Variants in TSPO2 observed in about 807,000 individuals in gnomAD.
TSPO2 encodes benzodiazapine receptor (peripheral)-like 1.
Under a neutral mutation model 13.3 loss-of-function variants are expected in TSPO2, and 15 were observed. That is an observed-to-expected ratio of 1.13 (90% confidence interval 0.75 to 1.73). The LOEUF (loss-of-function observed/expected upper bound fraction) is 1.73. Ranked by LOEUF, TSPO2 falls within the 40% of genes most tolerant of loss-of-function variation. The probability of loss-of-function intolerance (pLI) is 0.00; values close to 1 mark genes in which losing one functional copy is unlikely to be tolerated. For synonymous variants in TSPO2, 81 were observed against 91.6 expected, an observed-to-expected ratio of 0.88 and a Z score of 0.66; for missense variants, 202 against 198.3, an observed-to-expected ratio of 1.02 and a Z score of -0.11.
At position 41,042,951 on chromosome 6, in the gene TSPO2, T is replaced by C. The variant is rs975395776; in HGVS notation, c.-20-15T>C. 2 of 1,612,378 alleles carry C rather than the reference T, an allele frequency of 1.2e-6. No individual in the cohort carries two copies. Among genetic ancestry groups the C allele is most frequent in the Non-Finnish European group, 1.7e-6 (2 of 1,178,908 alleles). On this transcript the variant is annotated splice_polypyrimidine_tract_variant and intron_variant, in intron 1 of 3. Coordinates refer to ENST00000373161, the MANE Select transcript of TSPO2 (RefSeq NM_001010873.3). ...AGGGGAAGGCTCATCACTAGCATGT[T>C]CTCTGCCTCCCCAGATTTTGCCTCT... is the stretch of plus-strand genomic sequence containing the variant.
rs1252791055 is a variant in TSPO2 at position 41,043,135 on chromosome 6, G to A, written c.150G>A (p.Gln50=). ...TCTACAAAGTCTTATTGCTTGTACA[G>A]ACAGCCATCTACTCTGTCGTGGGGT... ...CPFYKVLLLV[Q]TAIYSVVGYA... Residue 50 remains glutamine, a synonymous_variant, in exon 2 of 4, where the codon CAG becomes CAA. Coordinates refer to ENST00000373161, the MANE Select transcript of TSPO2 (RefSeq NM_001010873.3). 23 of 1,613,440 alleles carry A rather than the reference G, an allele frequency of 1.4e-5. No homozygotes were observed. In the East Asian group the frequency reaches 4.9e-4, roughly 34 times the overall value.
At chr6:41,043,851 G>A in intron 3 of TSPO2, 89 bp from the exon 4 acceptor site, 1 of 1,544,736 alleles carries the variant, frequency 6.5e-7, no homozygotes, top group Admixed American at 1.8e-5. Context: ...AGAGCCCCAG[G>A]GACTGAGCTC....
chr6:41,043,291 C>T, intron 2 of TSPO2, 133 bp downstream of exon 2: 1 of 1,178,004 alleles, frequency 8.5e-7, no homozygotes, highest in East Asian at 2.4e-5. Context: ...CATAGTGGGT[C>T]CTCCAGAAAG....
rs531222828 is a variant in TSPO2, at chr6:41,043,215, T to C, written c.173+57T>C. ...TACCCAATGGGGTGGGAACAAGTCC[T>C]CTATATCTGAATTACTCCCATATAT... On this transcript the variant is annotated intron_variant, in intron 2 of 3. Coordinates refer to ENST00000373161, the MANE Select transcript of TSPO2 (RefSeq NM_001010873.3). 9 of 1,548,248 alleles carry C rather than the reference T, an allele frequency of 5.8e-6. No individual in the cohort carries two copies. In the African/African-American group the frequency reaches 8.2e-5, roughly 14 times the overall value.
chr6:41,044,080 G>A lies in TSPO2; in HGVS notation c.456G>A (p.Leu152=). 1 of 1,614,182 alleles carries A rather than the reference G, an allele frequency of 6.2e-7. No homozygotes were observed. Among genetic ancestry groups the A allele is most frequent in the African/African-American group, 1.3e-5 (1 of 75,042 alleles). ...TGACTTCAGCCCTCACCTACCACCT[G>A]TGGAGGGACAGCCTTTGTCCAGTGC... The part of the protein sequence containing the change: ...LTVTSALTYH[L]WRDSLCPVHQ... The change falls in exon 4 of 4, where the codon CTG becomes CTA. Residue 152 remains leucine (L), a synonymous_variant. Transcript: ENST00000373161.
At chr6:41,042,136 G>A (rs1762596872), upstream of TSPO2, among the ~76,000 whole-genome samples, 1 of 152,202 alleles carries the variant, frequency 6.6e-6, no homozygotes, top group African/African-American at 2.4e-5. Flanking sequence ...TGGGGCCTTG[G>A]CTGGAGGAGG....
Position 41,042,731 on chromosome 6 carries a change from G to A in TSPO2, c.-68G>A. 2 of 657,894 alleles carry A rather than the reference G, an allele frequency of 3.0e-6. No homozygotes were observed. The highest frequency in any genetic ancestry group is 4.1e-5 in the Admixed American group (2 of 48,402). 40.8% of individuals were successfully genotyped at this position (657,894 alleles called of 1,614,324 possible). ...TGGGCAGTGTCCTCCAAGTGCCAGA[G>A]GAGTGCTGTGGAGAAAAGAAGTCCA... On this transcript the variant is annotated 5_prime_UTR_variant, in exon 1 of 4. Transcript: ENST00000373161.
Position 41,043,583 on chromosome 6 carries a change from A to T in TSPO2, c.200A>T (p.Asp67Val), listed in dbSNP as rs530932127. 6.2e-7 allele frequency: 1 copy of T among 1,608,362 alleles called. No individual in the cohort carries two copies. Among genetic ancestry groups the T allele is most frequent in the South Asian group, 1.1e-5 (1 of 90,506 alleles). The change falls in exon 3 of 4, where the codon GAC becomes GTC. Residue 67 changes from aspartate (D) to valine (V), a missense_variant. By Grantham distance (152) the Asp-to-Val change is radical. Coordinates refer to ENST00000373161, the MANE Select transcript of TSPO2 (RefSeq NM_001010873.3). ...VGYASYLVWK[D>V]LGGGLGWPLA... ...TATGCCTCCTACCTGGTGTGGAAGG[A>T]CCTGGGAGGGGGCTTGGGGTGGCCC...
chr6:41,044,098 T>C lies in TSPO2; in HGVS notation c.474T>C (p.Cys158=), dbSNP rs759274517. 2.5e-6 allele frequency: 4 copies of C among 1,614,034 alleles called. No individual in the cohort carries two copies. The East Asian group carries it at 8.9e-5, about 36-fold the overall frequency. The change falls in exon 4 of 4, where the codon TGT becomes TGC. Residue 158 remains cysteine, a synonymous_variant. Coordinates refer to ENST00000373161, the MANE Select transcript of TSPO2 (RefSeq NM_001010873.3). The part of the protein sequence containing the change: ...LTYHLWRDSL[C]PVHQPQPTEK... ...ACCACCTGTGGAGGGACAGCCTTTG[T>C]CCAGTGCACCAGCCTCAGCCCACGG...
intron 3 of TSPO2, 85 bp from the exon 4 acceptor site, chr6:41,043,855 T>G: frequency 1.3e-6 from 2 of 1,546,294 alleles, no homozygotes; most frequent in East Asian, 4.6e-5. Context: ...CCCCAGGGAC[T>G]GAGCTCGTTG....
chr6:41,041,936 C>A (rs1017811334), upstream of TSPO2, among the ~76,000 whole-genome samples: 1 of 151,524 alleles, frequency 6.6e-6, no homozygotes, highest in Non-Finnish European at 1.5e-5. Context: ...GATTGCACCA[C>A]TGCACTCCAG....
intron 2 of TSPO2, 35 bp from the exon 3 acceptor site, chr6:41,043,522 T>C: frequency 6.5e-7 from 1 of 1,545,558 alleles, no homozygotes; most frequent in Non-Finnish European, 8.7e-7. Flanking sequence ...CGGAACCTCC[T>C]CCCACTGAAT....
At chr6:41,043,730 A>C in intron 3 of TSPO2, 32 bp downstream of exon 3, 1 of 1,573,010 alleles carries the variant, frequency 6.4e-7, no homozygotes, top group Non-Finnish European at 8.6e-7. Flanking sequence ...AGCAGAAGTA[A>C]TGTGGGAGAG....
At position 41,044,224 on chromosome 6, in the gene TSPO2, G is replaced by A. The variant is rs1048992811; in HGVS notation, c.*87G>A. 1.9e-5 allele frequency: 27 copies of A among 1,413,904 alleles called. No individual in the cohort carries two copies. Among genetic ancestry groups the A allele is most frequent in the East Asian group, 2.4e-5 (1 of 42,308 alleles). 87.6% of individuals were successfully genotyped at this position (1,413,904 alleles called of 1,614,324 possible). A position where few individuals can be genotyped will look rare whatever the true frequency, so the allele number is the denominator to read the frequency against. On this transcript the variant is annotated 3_prime_UTR_variant, in exon 4 of 4. Coordinates refer to ENST00000373161, the MANE Select transcript of TSPO2 (RefSeq NM_001010873.3). The stretch of plus-strand genomic sequence containing the variant: ...CTGTGGAGTTAGGGTTCACCCCAAT[G>A]GGACCACCCTCCTGGGTCCCCTGGT...
Position 41,042,567 on chromosome 6 carries a change from G to A in TSPO2, c.-232G>A. On this transcript the variant is annotated 5_prime_UTR_variant, in exon 1 of 4. Transcript: ENST00000373161. ...CCAGGTTGGTAGATCAGCTTAGGTA[G>A]AACAGTTCTCGGTGAGGGCCAGCTA... is the stretch of plus-strand genomic sequence containing the variant. 1 of 382,214 alleles carries A rather than the reference G, an allele frequency of 2.6e-6. No homozygotes were observed. The highest frequency in any genetic ancestry group is 5.2e-6 in the Non-Finnish European group (1 of 192,592). The allele number at this position is 382,214 out of a possible 1,614,324, so 23.7% of individuals were successfully genotyped here.
Position 41,042,670 on chromosome 6 carries a change from AG to A in TSPO2, c.-127del, listed in dbSNP as rs1192127077. On this transcript the variant is annotated 5_prime_UTR_variant, in exon 1 of 4. Coordinates refer to ENST00000373161, the MANE Select transcript of TSPO2 (RefSeq NM_001010873.3). ...ATCTCCAGGACTCAGAAGCACTTGG[AG>A]GAAGGCCTATTCACTTAGAAGCAGT... 17 of 541,046 alleles carry A rather than the reference AG, an allele frequency of 3.1e-5. No homozygotes were observed. Among genetic ancestry groups the A allele is most frequent in the Non-Finnish European group, 6.0e-5 (17 of 282,636 alleles). The allele number at this position is 541,046 out of a possible 1,614,324, so 33.5% of individuals were successfully genotyped here.
chr6:41,043,077 G>A lies in TSPO2; in HGVS notation c.92G>A (p.Cys31Tyr). 6.2e-7 allele frequency: 1 copy of A among 1,614,172 alleles called. No homozygotes were observed. Among genetic ancestry groups the A allele is most frequent in the Non-Finnish European group, 8.5e-7 (1 of 1,180,032 alleles). ...LFTRDHMSGW[C>Y]EGPRMLSWCP... ...ACTCGTGATCACATGTCTGGTTGGT[G>A]TGAGGGCCCGAGGATGCTGTCCTGG... Residue 31 changes from cysteine (C) to tyrosine (Y), a missense_variant, in exon 2 of 4, where the codon TGT (cysteine) becomes TAT (tyrosine). By Grantham distance (194) the Cys-to-Tyr change is radical. Coordinates refer to ENST00000373161, the MANE Select transcript of TSPO2 (RefSeq NM_001010873.3).
In TSPO2 at chr6:41,044,268, T is replaced by G; in HGVS notation, c.*131T>G. 2.4e-6 allele frequency: 2 copies of G among 827,354 alleles called. No individual in the cohort carries two copies. The highest frequency in any genetic ancestry group is 3.8e-6 in the Non-Finnish European group (2 of 522,906). 51.3% of individuals were successfully genotyped at this position (827,354 alleles called of 1,614,324 possible). A position where few individuals can be genotyped will look rare whatever the true frequency, so the allele number is the denominator to read the frequency against. On this transcript the variant is annotated 3_prime_UTR_variant, in exon 4 of 4. Transcript: ENST00000373161. ...CCCTGGTGCCGTTTTTCCTTAGAAA[T>G]CAGAGAAATGGGAAAGGGGGGGAAA...
intron 2 of TSPO2, 68 bp downstream of exon 2, chr6:41,043,226 A>C: frequency 6.6e-7 from 1 of 1,525,076 alleles, no homozygotes; most frequent in Non-Finnish European, 8.8e-7. Flanking sequence ...CTATATCTGA[A>C]TTACTCCCAT....
Sources: allele counts gnomAD v4.1 joint callset (sites outside exome capture counted in the v4.1 genomes callset), GRCh38; gene constraint gnomAD v4.1.1; transcripts MANE v1.5; gene names NCBI Gene and HGNC (gene_info 2026-07-23, HGNC 2026-07-21).